ASL: variants seen among roughly 807,000 people sequenced by gnomAD.
The protein encoded by ASL is argininosuccinase.
ASL carries 51 observed loss-of-function variants against 69.1 expected under a neutral mutation model. That is an observed-to-expected ratio of 0.74 (90% CI 0.59 to 0.93). ASL has a LOEUF of 0.93. Ranked by LOEUF, ASL falls within the 40% of genes least tolerant of loss-of-function variation. ASL has a pLI of 0.00. For missense variants in ASL, 540 were observed against 623.9 expected (o/e 0.87, Z 1.43); for synonymous variants, 241 against 247.6 (o/e 0.97, Z 0.25).
At chr7:66,082,851 C>T (rs758654505) in intron 4 of ASL, 29 bp from the exon 5 acceptor site, 20 of 1,612,880 alleles carry the variant, frequency 1.2e-5, no homozygotes, top group South Asian at 2.2e-5. Context: ...GGGTATAGAC[C>T]GTGACCCTGG....
In ASL at chr7:66,092,558, T is replaced by C; in HGVS notation, c.1145T>C (p.Met382Thr). The C allele has an allele frequency of 6.2e-7, 1 of 1,608,118 alleles. No homozygotes were observed. Residue 382 changes from methionine (M) to threonine (T), a missense_variant and splice_region_variant, in exon 16 of 17, where the codon ATG (methionine) becomes ACG (threonine). Coordinates refer to ENST00000304874, the MANE Select transcript of ASL (RefSeq NM_000048.4). ...GCCATCTTCCTCCCTGGCACCCAGA[T>C]GCCATTCCGCCAGGCCCACGAGGCC... ...DLAYYLVRKG[M>T]PFRQAHEASG...
At chr7:66,087,148 C>A in intron 8 of ASL, 186 bp from the exon 9 acceptor site, 1 of 706,194 alleles carries the variant, frequency 1.4e-6, no homozygotes. Flanking sequence ...CACTTGGGGA[C>A]AAGTATTCTG....
intron 6 of ASL, among the ~76,000 whole-genome samples, chr7:66,085,517 A>C (rs534028938): frequency 6.6e-6 from 1 of 152,134 alleles, no homozygotes; most frequent in South Asian, 2.1e-4. Context: ...GGTGGCTCAT[A>C]TCTGTAATCC....
chr7:66,086,458 C>T, intron 6 of ASL, 127 bp from the exon 7 acceptor site: 1 of 973,402 alleles, frequency 1.0e-6, no homozygotes, highest in Non-Finnish European at 1.6e-6. Context: ...TCACCAGATC[C>T]CTCATTCAGG....
At chr7:66,081,772 A>C in intron 2 of ASL, 31 bp from the exon 3 acceptor site, 1 of 1,606,294 alleles carries the variant, frequency 6.2e-7, no homozygotes, top group Non-Finnish European at 8.5e-7. Context: ...AGGGTGGAGG[A>C]GAGACTAATT....
chr7:66,083,177 G>A lies in ASL; in HGVS notation c.446+3G>A. 6.2e-7 allele frequency: 1 copy of A among 1,612,008 alleles called. No homozygotes were observed. Reference sequence around the variant, plus strand: ...ACCATGGTGGATCGGGCAGAGGCGTGAGTCCTACAGGGACACCCAGGGGGC... The same window carrying A: ...ACCATGGTGGATCGGGCAGAGGCGTAAGTCCTACAGGGACACCCAGGGGGC... On this transcript the variant is annotated splice_donor_region_variant and intron_variant, in intron 6 of 16. Transcript: ENST00000304874.
At chr7:66,078,352 A>C (rs1786407163) in intron 2 of ASL, among the ~76,000 whole-genome samples, 1 of 152,056 alleles carries the variant, frequency 6.6e-6, no homozygotes, top group African/African-American at 2.4e-5. Context: ...CTGCCTCTGC[A>C]GGGCAGAGTC....
At chr7:66,076,192 A>G in intron 2 of ASL, 99 bp downstream of exon 2, 1 of 1,498,816 alleles carries the variant, frequency 6.7e-7, no homozygotes, top group Non-Finnish European at 9.1e-7. Flanking sequence ...ATCGCCCTCC[A>G]GGAAGCAATT....
chr7:66,077,324 C>T (rs572836996), intron 2 of ASL, among the ~76,000 whole-genome samples: 15 of 152,162 alleles, frequency 9.9e-5, no homozygotes, highest in African/African-American at 2.9e-4. Flanking sequence ...TCACAGGAGG[C>T]GGAGGCATGA....
Position 66,086,921 on chromosome 7 carries a change from G to A in ASL, c.602+100G>A, listed in dbSNP as rs747550684. 31 of 1,355,812 alleles carry A rather than the reference G, an allele frequency of 2.3e-5. 1 individual carries two copies. In the African/African-American group the frequency reaches 2.3e-4, roughly 10 times the overall value. 84.0% of individuals were successfully genotyped at this position (1,355,812 alleles called of 1,614,324 possible). A position where few individuals can be genotyped will look rare whatever the true frequency, so the allele number is the denominator to read the frequency against. Reference sequence around the variant, plus strand: ...GAAGTGCAGAGTGGGACAGAAAACCGCCTTATCTGCTCAGCGGGGGACTCT... The same window carrying A: ...GAAGTGCAGAGTGGGACAGAAAACCACCTTATCTGCTCAGCGGGGGACTCT... On this transcript the variant is annotated intron_variant, in intron 8 of 16. Coordinates refer to ENST00000304874, the MANE Select transcript of ASL (RefSeq NM_000048.4).
intron 3 of ASL, 41 bp downstream of exon 3, chr7:66,082,038 T>G: frequency 6.4e-7 from 1 of 1,565,218 alleles, no homozygotes; most frequent in Middle Eastern, 1.7e-4. Context: ...GCCCCTTCCC[T>G]GTGGCCCCAG....
intron 4 of ASL, 65 bp from the exon 5 acceptor site, chr7:66,082,815 T>C (rs1786546592): frequency 1.2e-6 from 2 of 1,600,770 alleles, no homozygotes; most frequent in Admixed American, 3.4e-5. Flanking sequence ...TGAGGAAAAC[T>C]GCCCTGCCTG....
Position 66,083,064 on chromosome 7 carries a change from C to T in ASL, c.349-13C>T. On this transcript the variant is annotated splice_polypyrimidine_tract_variant and intron_variant, in intron 5 of 16. Transcript: ENST00000304874. ...ACATCGGCCTCCCTGAGCACCATCTCCTCCTTGCACAGGTGGTCACAGACC... is the reference window on the plus strand; with the variant it reads ...ACATCGGCCTCCCTGAGCACCATCTTCTCCTTGCACAGGTGGTCACAGACC... 6.2e-7 allele frequency: 1 copy of T among 1,613,794 alleles called. No homozygotes were observed. The highest frequency in any genetic ancestry group is 8.5e-7 in the Non-Finnish European group (1 of 1,179,954).
chr7:66,089,101 A>C lies in ASL; in HGVS notation c.844A>C (p.Ser282Arg). 6.2e-7 allele frequency: 1 copy of C among 1,613,980 alleles called. No homozygotes were observed. Among genetic ancestry groups the C allele is most frequent in the South Asian group, 1.1e-5 (1 of 91,088 alleles). Reference sequence around the variant, plus strand: ...CACCTCTGTCCCCAGCACGGGAAGCAGCCTGATGCCCCAGAAGAAAAACCC... The same window carrying C: ...CACCTCTGTCCCCAGCACGGGAAGCCGCCTGATGCCCCAGAAGAAAAACCC... The part of the protein sequence containing the change: ...QLSDAYSTGS[S>R]LMPQKKNPDS... The change falls in exon 12 of 17, where the codon AGC (serine) becomes CGC (arginine). Residue 282 changes from serine (S) to arginine (R), a missense_variant. Ser to Arg is a moderately radical substitution (Grantham distance 110). Coordinates refer to ENST00000304874, the MANE Select transcript of ASL (RefSeq NM_000048.4).
At chr7:66,084,691 C>T (rs539336393) in intron 6 of ASL, among the ~76,000 whole-genome samples, 161 of 152,212 alleles carry the variant, frequency 1.1e-3, no homozygotes, top group African/African-American at 3.6e-3. Context: ...GTGATCTCCA[C>T]TCACTGCAAC....
rs1786760714 is a variant in ASL, at chr7:66,089,089, A to G, written c.834-2A>G. The G allele has an allele frequency of 1.2e-6, 2 of 1,613,708 alleles. No individual in the cohort carries two copies. The highest frequency in any genetic ancestry group is 1.1e-5 in the South Asian group (1 of 91,096). On this transcript the variant is annotated splice_acceptor_variant, in intron 11 of 16. Transcript: ENST00000304874. LOFTEE classifies it high-confidence loss of function. ...CTTCAGCGCCAGCACCTCTGTCCCC[A>G]GCACGGGAAGCAGCCTGATGCCCCA...
intron 10 of ASL, among the ~76,000 whole-genome samples, chr7:66,088,185 A>G (rs1170322266): frequency 6.6e-6 from 1 of 151,878 alleles, no homozygotes; most frequent in Non-Finnish European, 1.5e-5. Context: ...AATAAAATAA[A>G]ATAAAAATAA....
At chr7:66,079,701 C>A (rs576137154) in intron 2 of ASL, among the ~76,000 whole-genome samples, 5 of 152,076 alleles carry the variant, frequency 3.3e-5, no homozygotes, top group African/African-American at 1.2e-4. Context: ...CTCACTGCAA[C>A]CTCCGCCTCC....
rs371162956 is a variant in ASL at position 66,082,458 on chromosome 7, C to G, written c.291+7C>G. On this transcript the variant is annotated splice_region_variant and intron_variant, in intron 4 of 16. Coordinates refer to ENST00000304874, the MANE Select transcript of ASL (RefSeq NM_000048.4). ...CAATGAGCGCCGCCTGAAGGTACGA[C>G]CCCTGGAGCCCCACCGCTTTCCTTG... 41 of 1,606,844 alleles carry G rather than the reference C, an allele frequency of 2.6e-5. No individual in the cohort carries two copies. The highest frequency in any genetic ancestry group is 3.3e-5 in the Non-Finnish European group (39 of 1,178,124).
Sources: gnomAD v4.1 joint callset for allele counts (sites outside exome capture counted in the v4.1 genomes callset) on GRCh38, gnomAD v4.1.1 for gene constraint, MANE v1.5 for transcripts, NCBI Gene and HGNC (gene_info 2026-07-23, HGNC 2026-07-21) for gene names.